Variants in AKAP6 observed in about 807,000 individuals in gnomAD.
AKAP6 encodes the protein A-kinase anchor protein 6.
AKAP6 carries 58 observed loss-of-function variants against 188.5 expected under a neutral mutation model. The ratio of observed to expected loss-of-function variants is 0.31; its 90% CI spans 0.25 to 0.38. The LOEUF is 0.38. Ranked by LOEUF, AKAP6 falls within the 10% of genes least tolerant of loss-of-function variation. The pLI is 1.00. For missense variants in AKAP6, 2,710 were observed against 2,740.0 expected, an observed-to-expected ratio of 0.99 and a Z score of 0.24; for synonymous variants, 989 against 998.6, an observed-to-expected ratio of 0.99 and a Z score of 0.18.
At chr14:32,616,708 C>T (rs1187823901) in intron 7 of AKAP6, among the ~76,000 whole-genome samples, 4 of 152,000 alleles carry the variant, frequency 2.6e-5, no homozygotes, top group African/African-American at 9.7e-5. Flanking sequence ...AACAGGTTTA[C>T]CTGTATAACA....
chr14:32,752,959 A>T (rs562194043), intron 11 of AKAP6, among the ~76,000 whole-genome samples: 1 of 152,132 alleles, frequency 6.6e-6, no homozygotes, highest in South Asian at 2.1e-4. Context: ...ATATCCATTG[A>T]TCAGTTTGGT....
intron 9 of AKAP6, among the ~76,000 whole-genome samples, chr14:32,724,990 TAAAAAAAAA>T (rs71432079): frequency 1.7e-3 from 60 of 34,914 alleles, no homozygotes; most frequent in Admixed American, 7.7e-3. Flanking sequence ...ATATTCAACC[TAAAAAAAAA>T]AAAAAAAAAA....
intron 2 of AKAP6, among the ~76,000 whole-genome samples, chr14:32,452,278 C>T (rs577206051): frequency 6.6e-6 from 1 of 152,236 alleles, no homozygotes; most frequent in Admixed American, 6.5e-5. Flanking sequence ...AAGCAATCTG[C>T]CGACCTTGGC....
At chr14:32,748,050 G>A (rs1234451973) in intron 11 of AKAP6, among the ~76,000 whole-genome samples, 1 of 152,198 alleles carries the variant, frequency 6.6e-6, no homozygotes, top group Non-Finnish European at 1.5e-5. Flanking sequence ...AGACAGAACA[G>A]CATTTGGCCT....
intron 1 of AKAP6, among the ~76,000 whole-genome samples, chr14:32,378,009 A>G (rs1427054834): frequency 1.3e-5 from 2 of 152,154 alleles, no homozygotes; most frequent in African/African-American, 2.4e-5. Flanking sequence ...AACTTATTAA[A>G]TTATTTGCAT....
At chr14:32,708,250 T>C (rs1890895217) in intron 9 of AKAP6, among the ~76,000 whole-genome samples, 1 of 152,054 alleles carries the variant, frequency 6.6e-6, no homozygotes. Flanking sequence ...ACATATTCAT[T>C]GCAGAAAATT....
chr14:32,484,618 A>G lies in AKAP6; in HGVS notation c.324+50801A>G. The G allele has an allele frequency of 9.4e-6, 2 of 212,194 alleles. 1 individual carries two copies. The highest frequency in any genetic ancestry group is 1.4e-5 in the Non-Finnish European group (2 of 145,794). The allele number at this position is 212,194 out of a possible 1,614,324, so 13.1% of individuals were successfully genotyped here. A position where few individuals can be genotyped will look rare whatever the true frequency, so the allele number is the denominator to read the frequency against. ...CTATGAAGAAGATTATTACAAATGC[A>G]TGGGCTGTGACGATGACATTGTAGA... On this transcript the variant is annotated intron_variant, in intron 2 of 13. Coordinates refer to ENST00000280979, the MANE Select transcript of AKAP6 (RefSeq NM_004274.5).
At chr14:32,496,340 A>C (rs1880312268) in intron 2 of AKAP6, among the ~76,000 whole-genome samples, 1 of 152,130 alleles carries the variant, frequency 6.6e-6, no homozygotes, top group Non-Finnish European at 1.5e-5. Flanking sequence ...ACTTTGGATA[A>C]GTTTCTCAGG....
intron 7 of AKAP6, among the ~76,000 whole-genome samples, chr14:32,654,353 C>T (rs1050669354): frequency 1.1e-4 from 16 of 151,994 alleles, no homozygotes; most frequent in African/African-American, 2.4e-4. Context: ...GCTACCCTAG[C>T]GGATGTTCTG....
At chr14:32,530,635 G>T (rs1020644401) in intron 2 of AKAP6, among the ~76,000 whole-genome samples, 1 of 152,058 alleles carries the variant, frequency 6.6e-6, no homozygotes, top group African/African-American at 2.4e-5. Flanking sequence ...CGTCTCCCAG[G>T]GACAATTAGC....
At chr14:32,782,875 ATT>A (rs553004848) in intron 12 of AKAP6, among the ~76,000 whole-genome samples, 1 of 149,118 alleles carries the variant, frequency 6.7e-6, no homozygotes, top group African/African-American at 2.5e-5. Context: ...AATCTCTGTG[ATT>A]TTTTTTTTTC....
chr14:32,671,727 A>G (rs1380430309), intron 7 of AKAP6, among the ~76,000 whole-genome samples: 1 of 152,130 alleles, frequency 6.6e-6, no homozygotes, highest in Non-Finnish European at 1.5e-5. Flanking sequence ...CCAGATGCAG[A>G]TAGGCAGTAG....
chr14:32,569,779 T>C (rs147284669), intron 4 of AKAP6, among the ~76,000 whole-genome samples: 51 of 152,346 alleles, frequency 3.3e-4, no homozygotes, highest in African/African-American at 1.2e-3. Flanking sequence ...TTACCTTATT[T>C]AGAGCCTAAA....
In AKAP6 at chr14:32,615,167, C is replaced by CAAAAAAAAAAAAAAAAAAAAAAAAAAA. The variant is rs71115086; in HGVS notation, c.2730+14394_2730+14395insAAAAAAAAAAAAAAAAAAAAAAAAAAA. 1.8e-3 allele frequency among the ~76,000 whole-genome samples: 96 copies of CAAAAAAAAAAAAAAAAAAAAAAAAAAA among 53,474 alleles called. 14 individuals carry two copies. The highest frequency in any genetic ancestry group is 0.011 in the Middle Eastern group (1 of 90). The allele number at this position is 53,474 out of a possible 152,430, so 35.1% of individuals were successfully genotyped here. ...CTGGCAACAGAGCAAGACTCTGTCT[C>CAAAAAAAAAAAAAAAAAAAAAAAAAAA]AAAAAAAAAAAAAAAAAAAGATAAA... On this transcript the variant is annotated intron_variant, in intron 7 of 13. Transcript: ENST00000280979.
At position 32,462,901 on chromosome 14, in the gene AKAP6, C is replaced by CAAAAAAAAA. The variant is rs71143943; in HGVS notation, c.324+29101_324+29109dup. Among the ~76,000 whole-genome samples, 6 of 8,838 alleles carry CAAAAAAAAA rather than the reference C, an allele frequency of 6.8e-4. 1 individual carries two copies. Among genetic ancestry groups the CAAAAAAAAA allele is most frequent in the African/African-American group, 1.8e-3 (4 of 2,248 alleles). 5.8% of individuals were successfully genotyped at this position (8,838 alleles called of 152,430 possible). A position where few individuals can be genotyped will look rare whatever the true frequency, so the allele number is the denominator to read the frequency against. On this transcript the variant is annotated intron_variant, in intron 2 of 13. Transcript: ENST00000280979. ...GAATATTTACCAAGCAAATGGAAAG[C>CAAAAAAAAA]AAAAAAAAAAAAAAAAAAAAAAAAA...
intron 12 of AKAP6, among the ~76,000 whole-genome samples, chr14:32,796,617 C>T (rs529962229): frequency 1.3e-5 from 2 of 152,278 alleles, no homozygotes; most frequent in Non-Finnish European, 2.9e-5. Flanking sequence ...TTTATACCAT[C>T]TACAAAGGTT....
At chr14:32,409,184 A>G (rs1036538416) in intron 1 of AKAP6, among the ~76,000 whole-genome samples, 1 of 152,190 alleles carries the variant, frequency 6.6e-6, no homozygotes, top group African/African-American at 2.4e-5. Flanking sequence ...TGGGCCACAG[A>G]GCAAGACTCC....
At chr14:32,591,655 T>C (rs1423885520) in intron 5 of AKAP6, among the ~76,000 whole-genome samples, 2 of 151,872 alleles carry the variant, frequency 1.3e-5, no homozygotes, top group Admixed American at 6.6e-5. Context: ...TCTCTTTTTT[T>C]TTTTTTTTTC....
chr14:32,596,294 G>A (rs1885701345), intron 5 of AKAP6, among the ~76,000 whole-genome samples: 1 of 152,148 alleles, frequency 6.6e-6, no homozygotes, highest in Non-Finnish European at 1.5e-5. Flanking sequence ...GAGTGGAAAG[G>A]ATTAGACATA....
Sources: gnomAD v4.1 joint callset for allele counts (sites outside exome capture counted in the v4.1 genomes callset) on GRCh38, gnomAD v4.1.1 for gene constraint, MANE v1.5 for transcripts, NCBI Gene and HGNC (gene_info 2026-07-23, HGNC 2026-07-21) for gene names.